ERCC4: variants seen among roughly 807,000 people sequenced by gnomAD.
ERCC4 encodes ERCC excision repair 4, endonuclease catalytic subunit.
ERCC4 carries 65 observed loss-of-function variants against 76.9 expected under a neutral mutation model. The observed-to-expected ratio is 0.84, with a 90% CI of 0.69 to 1.04. The LOEUF is 1.04. ERCC4 is among the 50% of genes least tolerant of loss of function. The pLI, the probability that ERCC4 is intolerant of heterozygous loss-of-function variation, is 0.00. For synonymous variants in ERCC4, 463 were observed against 410.1 expected (o/e 1.13, Z -1.56); for missense variants, 1,214 against 1,128.2 (o/e 1.08, Z -1.09).
chr16:13,942,928 G>C (rs2032443028), intron 9 of ERCC4, among the ~76,000 whole-genome samples: 2 of 152,214 alleles, frequency 1.3e-5, no homozygotes, highest in African/African-American at 2.4e-5. Flanking sequence ...GAGTGCAATA[G>C]AGAGAATGGA....
rs1596638920 is a variant in ERCC4, at chr16:13,950,983, C to T, written c.*2636C>T. The T allele has an allele frequency of 1.6e-5, 3 of 192,494 alleles. No homozygotes were observed. Among genetic ancestry groups the T allele is most frequent in the Non-Finnish European group, 3.3e-5 (3 of 92,108 alleles). 11.9% of individuals were successfully genotyped at this position (192,494 alleles called of 1,614,324 possible). The stretch of plus-strand genomic sequence containing the variant: ...TGCTGGACGCTTGAAGACAGGTGCA[C>T]TGTCTCGTATGTATTTGAATTATGA... On this transcript the variant is annotated 3_prime_UTR_variant, in exon 11 of 11. Transcript: ENST00000311895.
At chr16:13,927,809 C>T (rs537013459) in intron 3 of ERCC4, among the ~76,000 whole-genome samples, 2 of 152,240 alleles carry the variant, frequency 1.3e-5, no homozygotes, top group South Asian at 2.1e-4. Flanking sequence ...TGGCCCAGAC[C>T]GTAGTTTGCT....
intron 1 of ERCC4, among the ~76,000 whole-genome samples, 198 bp from the exon 2 acceptor site, chr16:13,921,833 G>A (rs188812878): frequency 6.6e-6 from 1 of 152,260 alleles, no homozygotes; most frequent in East Asian, 1.9e-4. Context: ...TTATTCCTTA[G>A]TGTAAACCCC....
chr16:13,947,543 A>T (rs2032537698), intron 10 of ERCC4, 71 bp from the exon 11 acceptor site: 4 of 1,506,536 alleles, frequency 2.7e-6, no homozygotes, highest in Non-Finnish European at 3.7e-6. Flanking sequence ...AGAAACATCG[A>T]TTTTTAGATT....
At chr16:13,945,199 G>A (rs1194384878) in intron 10 of ERCC4, among the ~76,000 whole-genome samples, 1 of 152,218 alleles carries the variant, frequency 6.6e-6, no homozygotes, top group Non-Finnish European at 1.5e-5. Context: ...TAAAAAGCCA[G>A]TTTAACTCAG....
intron 7 of ERCC4, chr16:13,934,851 TG>T (rs1183012048): frequency 3.2e-6 from 1 of 315,998 alleles, no homozygotes; most frequent in Non-Finnish European, 5.9e-6. Flanking sequence ...TGAGATCCTC[TG>T]GAAAAAAATA....
chr16:13,928,536 G>A (rs1022966206), intron 4 of ERCC4, among the ~76,000 whole-genome samples: 1 of 152,116 alleles, frequency 6.6e-6, no homozygotes, highest in Non-Finnish European at 1.5e-5. Flanking sequence ...ACACTTGGAT[G>A]TCTACAGGTA....
At chr16:13,942,760 A>G (rs1220593456) in intron 9 of ERCC4, among the ~76,000 whole-genome samples, 1 of 152,222 alleles carries the variant, frequency 6.6e-6, no homozygotes, top group African/African-American at 2.4e-5. Context: ...ACTACAAATT[A>G]ATCAGGAAAT....
At chr16:13,934,876 ACTT>A (rs1049956714) in intron 7 of ERCC4, 1 of 367,632 alleles carries the variant, frequency 2.7e-6, no homozygotes, top group African/African-American at 2.0e-5. Context: ...ATTAAAAAGA[ACTT>A]CTTTAAAGCC....
In ERCC4 at chr16:13,948,183, T is replaced by G. The variant is rs773636525; in HGVS notation, c.2587T>G (p.Cys863Gly). 12 of 1,614,156 alleles carry G rather than the reference T, an allele frequency of 7.4e-6. No individual in the cohort carries two copies. The highest frequency in any genetic ancestry group is 1.0e-5 in the Non-Finnish European group (12 of 1,180,016). The change falls in exon 11 of 11, where the codon TGC becomes GGC. Residue 863 changes from cysteine to glycine, a missense_variant. Transcript: ENST00000311895. ...AATGCCAGGGGTGAATGCCAAAAAC[T>G]GCCGCTCCTTGATGCACCACGTTAA... ...LKMPGVNAKNCRSLMHHVKNI... is the reference protein window; with the variant it reads ...LKMPGVNAKNGRSLMHHVKNI...
intron 3 of ERCC4, among the ~76,000 whole-genome samples, chr16:13,927,229 C>A (rs2032088646): frequency 6.6e-6 from 1 of 152,206 alleles, no homozygotes; most frequent in African/African-American, 2.4e-5. Context: ...GCAACCTATG[C>A]TACCATGTAT....
chr16:13,936,013 G>C (rs982243090), intron 8 of ERCC4, among the ~76,000 whole-genome samples: 1 of 152,146 alleles, frequency 6.6e-6, no homozygotes, highest in Admixed American at 6.5e-5. Context: ...GGTTTGCATC[G>C]TATGGGGTAC....
intron 10 of ERCC4, 38 bp downstream of exon 10, chr16:13,944,873 C>A (rs755492750): frequency 7.0e-6 from 9 of 1,277,214 alleles, no homozygotes; most frequent in Admixed American, 5.0e-5. Context: ...CCATTGCCTG[C>A]AAAGGGGGCT....
chr16:13,928,295 T>C (rs1363040353), intron 4 of ERCC4, 60 bp downstream of exon 4: 2 of 1,216,238 alleles, frequency 1.6e-6, no homozygotes, highest in Non-Finnish European at 2.4e-6. Context: ...ATGCAAGTTA[T>C]TTTAATATTT....
intron 5 of ERCC4, chr16:13,931,609 G>A (rs2032173643): frequency 1.3e-5 from 2 of 156,770 alleles, no homozygotes; most frequent in African/African-American, 4.8e-5. Context: ...ATATCCAAAT[G>A]TTGTCATTTC....
intron 7 of ERCC4, chr16:13,934,704 C>CA: frequency 4.3e-6 from 1 of 231,150 alleles, no homozygotes; most frequent in South Asian, 6.7e-5. Context: ...AGTATCTTTC[C>CA]AAAAAAGCCT....
At position 13,949,009 on chromosome 16, in the gene ERCC4, A is replaced by G. The variant is rs934920913; in HGVS notation, c.*662A>G. The G allele has an allele frequency of 4.3e-6, 1 of 232,900 alleles. No individual in the cohort carries two copies. The highest frequency in any genetic ancestry group is 2.2e-5 in the African/African-American group (1 of 45,332). The allele number at this position is 232,900 out of a possible 1,614,324, so 14.4% of individuals were successfully genotyped here. On this transcript the variant is annotated 3_prime_UTR_variant, in exon 11 of 11. Transcript: ENST00000311895. ...TCCATACTTCTGCCTGTCTGCTCTA[A>G]GGAAATTTCATGGAGCCTTCCTACT...
chr16:13,934,386 AG>A lies in ERCC4; in HGVS notation c.1213+85del, dbSNP rs2032242375. On this transcript the variant is annotated intron_variant, in intron 7 of 10. Coordinates refer to ENST00000311895, the MANE Select transcript of ERCC4 (RefSeq NM_005236.3). ...TAATTAGCTCTTTAAAAGTAGTTCAAGACTAGCCTGACCAACATGGTGAAAC... is the reference window on the plus strand; with the variant it reads ...TAATTAGCTCTTTAAAAGTAGTTCAAACTAGCCTGACCAACATGGTGAAAC... The A allele has an allele frequency of 3.4e-6, 3 of 894,398 alleles. No individual in the cohort carries two copies. The African/African-American group carries it at 4.9e-5, about 15-fold the overall frequency. The allele number at this position is 894,398 out of a possible 1,614,324, so 55.4% of individuals were successfully genotyped here. A position where few individuals can be genotyped will look rare whatever the true frequency, so the allele number is the denominator to read the frequency against.
At chr16:13,939,651 C>T (rs1004100441) in intron 9 of ERCC4, among the ~76,000 whole-genome samples, 3 of 152,062 alleles carry the variant, frequency 2.0e-5, no homozygotes, top group Non-Finnish European at 4.4e-5. Flanking sequence ...CTGAAGCATT[C>T]TAAGTAGGAA....
Sources: gnomAD v4.1 joint callset for allele counts (sites outside exome capture counted in the v4.1 genomes callset) on GRCh38, gnomAD v4.1.1 for gene constraint, MANE v1.5 for transcripts, NCBI Gene and HGNC (gene_info 2026-07-23, HGNC 2026-07-21) for gene names.